Variants in MACROD2 observed in about 807,000 individuals in gnomAD.
MACROD2 encodes ADP-ribose glycohydrolase MACROD2.
Under a neutral mutation model 70.4 loss-of-function variants are expected in MACROD2, and 36 were observed. That is an observed-to-expected ratio of 0.51 (90% CI 0.39 to 0.68). The LOEUF (loss-of-function observed/expected upper bound fraction) is 0.68, where lower values mean the gene tolerates loss of function less well. Among genes scored for constraint, MACROD2 ranks in the 30% least tolerant of loss-of-function variants. The pLI, the probability that MACROD2 is intolerant of heterozygous loss-of-function variation, is 0.00. For synonymous variants in MACROD2, 172 were observed against 178.8 expected (o/e 0.96, Z 0.30); for missense variants, 496 against 538.4 (o/e 0.92, Z 0.78).
intron 5 of MACROD2, among the ~76,000 whole-genome samples, chr20:14,920,037 G>A (rs186278722): frequency 6.6e-6 from 1 of 152,096 alleles, no homozygotes; most frequent in African/African-American, 2.4e-5. Flanking sequence ...ACATTGCATC[G>A]TGATTTCTCT....
chr20:14,462,631 T>A (rs2084386077), intron 3 of MACROD2, among the ~76,000 whole-genome samples: 1 of 152,110 alleles, frequency 6.6e-6, no homozygotes, highest in Non-Finnish European at 1.5e-5. Context: ...CTGAATGGTA[T>A]TGCCTAGCTT....
intron 5 of MACROD2, among the ~76,000 whole-genome samples, chr20:14,999,019 A>T (rs2074972660): frequency 6.6e-6 from 1 of 152,218 alleles, no homozygotes; most frequent in Non-Finnish European, 1.5e-5. Context: ...TTATCCTAGA[A>T]TAGTAAGTAT....
intron 8 of MACROD2, among the ~76,000 whole-genome samples, chr20:15,750,298 A>G (rs1457658908): frequency 6.6e-6 from 1 of 152,060 alleles, no homozygotes; most frequent in Non-Finnish European, 1.5e-5. Flanking sequence ...CCACCATCAG[A>G]TACCACCTCA....
At chr20:15,921,883 G>T (rs2065413309) in intron 10 of MACROD2, among the ~76,000 whole-genome samples, 1 of 152,222 alleles carries the variant, frequency 6.6e-6, no homozygotes, top group Non-Finnish European at 1.5e-5. Context: ...GGGCAGCTGA[G>T]ACTTAGTCCT....
At chr20:14,205,751 A>G (rs1297793471) in intron 3 of MACROD2, among the ~76,000 whole-genome samples, 1 of 152,166 alleles carries the variant, frequency 6.6e-6, no homozygotes, top group Non-Finnish European at 1.5e-5. Context: ...CTTTGCAGGA[A>G]GTGGAGCCTG....
At chr20:15,022,751 C>A (rs920638409) in intron 5 of MACROD2, 2 of 152,154 alleles carry the variant, frequency 1.3e-5, no homozygotes, top group Non-Finnish European at 2.9e-5. Flanking sequence ...ATTACAGTAT[C>A]ATACAGAATA....
At chr20:14,681,488 G>A (rs755573562) in intron 4 of MACROD2, among the ~76,000 whole-genome samples, 3 of 152,134 alleles carry the variant, frequency 2.0e-5, no homozygotes, top group Admixed American at 6.6e-5. Flanking sequence ...TGGAGTAAAA[G>A]AAGGCAGTCT....
At chr20:14,303,161 C>G (rs2082490798) in intron 3 of MACROD2, among the ~76,000 whole-genome samples, 1 of 152,088 alleles carries the variant, frequency 6.6e-6, no homozygotes, top group African/African-American at 2.4e-5. Context: ...GAGAACTTAT[C>G]TTTTCAATTT....
At chr20:15,982,043 A>G (rs2066408521) in intron 13 of MACROD2, among the ~76,000 whole-genome samples, 1 of 151,550 alleles carries the variant, frequency 6.6e-6, no homozygotes, top group African/African-American at 2.4e-5. Flanking sequence ...GCTGCTTACT[A>G]TCAATAGCAG....
At chr20:14,630,710 T>C (rs1984458701) in intron 4 of MACROD2, among the ~76,000 whole-genome samples, 1 of 152,210 alleles carries the variant, frequency 6.6e-6, no homozygotes, top group Non-Finnish European at 1.5e-5. Context: ...TTTATAAGCA[T>C]TTGTAGAAGA....
At chr20:14,732,181 T>A (rs1459622538) in intron 5 of MACROD2, among the ~76,000 whole-genome samples, 2 of 152,168 alleles carry the variant, frequency 1.3e-5, no homozygotes, top group East Asian at 3.8e-4. Context: ...ATAGAGTTCT[T>A]AGGTATTTTG....
chr20:15,181,590 AC>A (rs1468342935), intron 5 of MACROD2, among the ~76,000 whole-genome samples: 1 of 152,144 alleles, frequency 6.6e-6, no homozygotes, highest in Non-Finnish European at 1.5e-5. Flanking sequence ...ATGTTATATA[AC>A]CTTTTTTTGC....
chr20:15,631,239 T>C (rs552018548), intron 8 of MACROD2, among the ~76,000 whole-genome samples: 18 of 152,314 alleles, frequency 1.2e-4, no homozygotes, highest in Admixed American at 1.1e-3. Flanking sequence ...TCCTTAAATA[T>C]GTTCTGATGA....
intron 3 of MACROD2, among the ~76,000 whole-genome samples, chr20:14,225,569 T>C (rs569383183): frequency 1.2e-4 from 18 of 152,352 alleles, no homozygotes; most frequent in African/African-American, 4.3e-4. Context: ...GTACTTGAAA[T>C]CTTCAGATCA....
At chr20:15,238,168 A>G (rs777274371) in intron 6 of MACROD2, among the ~76,000 whole-genome samples, 16 of 152,220 alleles carry the variant, frequency 1.1e-4, no homozygotes, top group Non-Finnish European at 1.8e-4. Flanking sequence ...TACATTGAAT[A>G]TGCTAAACAC....
intron 8 of MACROD2, among the ~76,000 whole-genome samples, chr20:15,716,617 C>T (rs538620670): frequency 9.2e-5 from 14 of 152,154 alleles, no homozygotes; most frequent in Non-Finnish European, 1.6e-4. Context: ...TTTTAAAAAA[C>T]TTTTTTTGTT....
chr20:14,536,626 GGTGTGTGTGTGT>G (rs11471542), intron 4 of MACROD2, among the ~76,000 whole-genome samples: 12,042 of 139,086 alleles, frequency 0.087, 1,573 homozygotes, highest in African/African-American at 0.29. Context: ...AGGTAACATT[GGTGTGTGTGTGT>G]GTGTGTGTGT....
intron 5 of MACROD2, among the ~76,000 whole-genome samples, chr20:14,964,327 C>G (rs2074611591): frequency 6.6e-6 from 1 of 152,008 alleles, no homozygotes; most frequent in African/African-American, 2.4e-5. Context: ...AATCCCAGCA[C>G]TTTGGGAGGC....
intron 8 of MACROD2, among the ~76,000 whole-genome samples, chr20:15,699,164 C>A (rs1215795505): frequency 6.6e-6 from 1 of 152,100 alleles, no homozygotes; most frequent in Non-Finnish European, 1.5e-5. Flanking sequence ...CTTGTTTTGT[C>A]ATATTACCAG....
Sources: allele counts gnomAD v4.1 joint callset (sites outside exome capture counted in the v4.1 genomes callset), GRCh38; gene constraint gnomAD v4.1.1; transcripts MANE v1.5; gene names NCBI Gene and HGNC (gene_info 2026-07-23, HGNC 2026-07-21).